PALB2: variants seen among roughly 807,000 people sequenced by gnomAD.
PALB2 encodes partner and localizer of BRCA2.
Under a neutral mutation model 107.4 loss-of-function variants are expected in PALB2, and 82 were observed. That is an observed-to-expected ratio of 0.76 (90% CI 0.64 to 0.92). PALB2 has a LOEUF of 0.92. Among genes scored for constraint, PALB2 ranks in the 40% least tolerant of loss-of-function variants. The pLI is 0.00. For synonymous variants in PALB2, 489 were observed against 496.8 expected, an observed-to-expected ratio of 0.98 and a Z score of 0.21; for missense variants, 1,374 against 1,379.9, an observed-to-expected ratio of 1.00 and a Z score of 0.07.
At chr16:23,611,461 T>TTG (rs1966586331) in intron 11 of PALB2, among the ~76,000 whole-genome samples, 1 of 143,958 alleles carries the variant, frequency 6.9e-6, no homozygotes, top group South Asian at 2.2e-4. Context: ...ATTATTATTA[T>TTG]TATTATTTTT....
intron 10 of PALB2, among the ~76,000 whole-genome samples, chr16:23,620,407 A>T (rs1160940178): frequency 6.6e-6 from 1 of 152,120 alleles, no homozygotes; most frequent in Non-Finnish European, 1.5e-5. Flanking sequence ...AAGATCTTCT[A>T]TTAGGCTTCC....
rs2142327149 is a variant in PALB2 at position 23,621,418 on chromosome 16, G to A, written c.3057C>T (p.Val1019=). ...CAAGCAGAGCTTCTTGCATCCCTTG[G>A]ACCTCAGCAAAAGTTAGTATAGTCT... ...PEETILTFAE[V]QGMQEALLGT... is the part of the protein sequence containing the mutation. The change falls in exon 10 of 13, where the codon GTC becomes GTT. Residue 1019 remains valine (V), a synonymous_variant. Transcript: ENST00000261584. The A allele has an allele frequency of 6.2e-7, 1 of 1,614,110 alleles. No homozygotes were observed. Among genetic ancestry groups the A allele is most frequent in the Non-Finnish European group, 8.5e-7 (1 of 1,180,014 alleles).
rs2140961181 is a variant in PALB2 at position 23,641,230 on chromosome 16, C to G, written c.-73G>C. On this transcript the variant is annotated 5_prime_UTR_variant, in exon 1 of 13. Transcript: ENST00000261584. ...TGCCGACACCGGGACCCAGTTGGCC[C>G]TGGGCCGGGGAGGCGCCCCAGGAAG... The G allele has an allele frequency of 6.4e-7, 1 of 1,573,134 alleles. No individual in the cohort carries two copies. The highest frequency in any genetic ancestry group is 8.6e-7 in the Non-Finnish European group (1 of 1,156,804).
In PALB2 at chr16:23,629,801, G is replaced by GTT; in HGVS notation, c.2351_2352dup (p.Pro785AsnfsTer67). ...CCTGACACTTGCAGGGTGGTATGTG[G>GTT]TTTTGCTGGGCTGCCTGAACTGTCG... On this transcript the variant is annotated frameshift_variant, in exon 5 of 13. Transcript: ENST00000261584. LOFTEE classifies it high-confidence loss of function. 6.2e-7 allele frequency: 1 copy of GTT among 1,614,188 alleles called. No individual in the cohort carries two copies. The highest frequency in any genetic ancestry group is 8.5e-7 in the Non-Finnish European group (1 of 1,180,034).
In PALB2 at chr16:23,624,109, G is replaced by C. The variant is rs1567214528; in HGVS notation, c.2749-15C>G. 6.4e-7 allele frequency: 1 copy of C among 1,561,454 alleles called. No individual in the cohort carries two copies. The highest frequency in any genetic ancestry group is 8.8e-7 in the Non-Finnish European group (1 of 1,133,164). On this transcript the variant is annotated splice_polypyrimidine_tract_variant and intron_variant, in intron 7 of 12. Transcript: ENST00000261584. The stretch of plus-strand genomic sequence containing the variant: ...AATACTGGAACCTAAATAAAACAAA[G>C]CAGCCAAAAATTATGCTTGGTTGTT...
At chr16:23,621,544 C>T (rs917254429) in intron 9 of PALB2, 66 bp from the exon 10 acceptor site, 43 of 989,906 alleles carry the variant, frequency 4.3e-5, no homozygotes, top group African/African-American at 8.0e-5. Context: ...AGCCCTTCTC[C>T]GCATTGTTGA....
intron 7 of PALB2, among the ~76,000 whole-genome samples, chr16:23,625,328 C>G (rs1259310049): frequency 6.7e-6 from 1 of 150,246 alleles, no homozygotes; most frequent in South Asian, 2.1e-4. Context: ...GTATGACTCT[C>G]TCTCCAAAAA....
chr16:23,630,540 C>T, intron 4 of PALB2, 71 bp from the exon 5 acceptor site: 2 of 1,200,124 alleles, frequency 1.7e-6, no homozygotes, highest in East Asian at 2.5e-5. Context: ...TCACTGATGA[C>T]AAAGAGAATA....
Position 23,629,875 on chromosome 16 carries a change from A to C in PALB2, c.2279T>G (p.Leu760Arg). The change falls in exon 5 of 13, where the codon CTT becomes CGT. Residue 760 changes from leucine to arginine, a missense_variant. Physicochemically the swap from Leu to Arg is moderately radical, Grantham distance 102 (BLOSUM62 -2). Coordinates refer to ENST00000261584, the MANE Select transcript of PALB2 (RefSeq NM_024675.4). ...ACAGACTGAGTCTTTCAAATGAGCAAGTTGGGGTGTGCAGCAAGTTCGTCC... is the reference window on the plus strand; with the variant it reads ...ACAGACTGAGTCTTTCAAATGAGCACGTTGGGGTGTGCAGCAAGTTCGTCC... ...VAGRTCCTPQ[L>R]AHLKDSVCLA... 6.2e-7 allele frequency: 1 copy of C among 1,614,154 alleles called. No homozygotes were observed. Among genetic ancestry groups the C allele is most frequent in the Non-Finnish European group, 8.5e-7 (1 of 1,180,026 alleles).
chr16:23,638,314 C>T, intron 1 of PALB2, 185 bp from the exon 2 acceptor site: 1 of 644,518 alleles, frequency 1.6e-6, no homozygotes, highest in Admixed American at 2.5e-5. Flanking sequence ...TAACCTGTTC[C>T]TATCATCTGG....
At chr16:23,637,823 A>AGG in intron 3 of PALB2, 27 bp downstream of exon 3, 1 of 1,529,398 alleles carries the variant, frequency 6.5e-7, no homozygotes, top group Non-Finnish European at 9.1e-7. Context: ...ATAATAAAGC[A>AGG]GGCATAAGTG....
chr16:23,635,131 T>C lies in PALB2; in HGVS notation c.1415A>G (p.Gln472Arg), dbSNP rs867817029. The C allele has an allele frequency of 1.9e-6, 3 of 1,614,242 alleles. No individual in the cohort carries two copies. The highest frequency in any genetic ancestry group is 2.5e-6 in the Non-Finnish European group (3 of 1,180,040). The change falls in exon 4 of 13, where the codon CAA becomes CGA. Residue 472 changes from glutamine (Q) to arginine (R), a missense_variant. Coordinates refer to ENST00000261584, the MANE Select transcript of PALB2 (RefSeq NM_024675.4). Reference sequence around the variant, plus strand: ...TTTCTGAGAGGTTCTTGAACTTGGTTGTCCTGTGCATGTGCCAGACATCCT... The same window carrying C: ...TTTCTGAGAGGTTCTTGAACTTGGTCGTCCTGTGCATGTGCCAGACATCCT... ...EIRMSGTCTG[Q>R]PSSRTSQKLL...
chr16:23,639,494 G>A (rs1214669259), intron 1 of PALB2, among the ~76,000 whole-genome samples: 1 of 145,200 alleles, frequency 6.9e-6, no homozygotes, highest in Non-Finnish European at 1.5e-5. Flanking sequence ...CTCCAGCCTG[G>A]GCAACAGAGC....
intron 8 of PALB2, chr16:23,623,767 C>T (rs1215575326): frequency 2.1e-6 from 1 of 475,564 alleles, no homozygotes; most frequent in Non-Finnish European, 3.8e-6. Context: ...GATCCACCTT[C>T]CTTGGCCTCC....
At chr16:23,628,728 C>T (rs192827037) in intron 6 of PALB2, among the ~76,000 whole-genome samples, 1 of 152,262 alleles carries the variant, frequency 6.6e-6, no homozygotes, top group East Asian at 1.9e-4. Flanking sequence ...GTCTGTCTCC[C>T]AGTTCAAGTA....
rs1555458817 is a variant in PALB2, at chr16:23,614,045, AATC to A, written c.3157_3159del (p.Asp1053del). 6.2e-7 allele frequency: 1 copy of A among 1,613,814 alleles called. No individual in the cohort carries two copies. The highest frequency in any genetic ancestry group is 8.5e-7 in the Non-Finnish European group (1 of 1,179,754). ...TTGTGACAGACTGAAGCTTGGTAAG[AATC>A]ATCAATGTGCATCTTTTTCAGGAGT... On this transcript the variant is annotated inframe_deletion, in exon 11 of 13. Coordinates refer to ENST00000261584, the MANE Select transcript of PALB2 (RefSeq NM_024675.4).
rs542031217 is a variant in PALB2, at chr16:23,608,888, T to C, written c.3202-876A>G. On this transcript the variant is annotated intron_variant, in intron 11 of 12. Transcript: ENST00000261584. Reference sequence around the variant, plus strand: ...CGTTGCCCAGGCTGGAGTGCAATGGTGCGATCTCAGCTCACTGCAACCTCC... The same window carrying C: ...CGTTGCCCAGGCTGGAGTGCAATGGCGCGATCTCAGCTCACTGCAACCTCC... Among the ~76,000 whole-genome samples the C allele has an allele frequency of 2.8e-4, 42 of 151,280 alleles. No homozygotes were observed. In the South Asian group the frequency reaches 8.8e-3, roughly 32 times the overall value.
rs2142436513 is a variant in PALB2, at chr16:23,635,830, C to A, written c.716G>T (p.Arg239Ile). The change falls in exon 4 of 13, where the codon AGA becomes ATA. Residue 239 changes from arginine to isoleucine, a missense_variant. By Grantham distance (97) the Arg-to-Ile change is moderately conservative. Transcript: ENST00000261584. ...PEKGVDTFLR[R>I]PNFTRATTVP... ...TGTAGTCGCCCTGGTGAAATTAGGT[C>A]TTCTTAGGAATGTATCAACACCTTT... 6.2e-7 allele frequency: 1 copy of A among 1,614,106 alleles called. No homozygotes were observed. The highest frequency in any genetic ancestry group is 8.5e-7 in the Non-Finnish European group (1 of 1,180,022).
chr16:23,635,649 A>G lies in PALB2; in HGVS notation c.897T>C (p.Ser299=), dbSNP rs180177095. The G allele has an allele frequency of 9.3e-6, 15 of 1,613,966 alleles. No individual in the cohort carries two copies. The highest frequency in any genetic ancestry group is 1.7e-5 in the Admixed American group (1 of 59,994). Residue 299 remains serine (S), a synonymous_variant, in exon 4 of 13, where the codon TCT becomes TCC. Coordinates refer to ENST00000261584, the MANE Select transcript of PALB2 (RefSeq NM_024675.4). ...LEAQGKKMTV[S]TDNLLVNKAI... The stretch of plus-strand genomic sequence containing the variant: ...CTTTATTTACAAGGAGGTTATCTGT[A>G]GAGACAGTCATTTTTTTGCCTTGTG...
Sources: gnomAD v4.1 joint callset for allele counts (sites outside exome capture counted in the v4.1 genomes callset) on GRCh38, gnomAD v4.1.1 for gene constraint, MANE v1.5 for transcripts, NCBI Gene and HGNC (gene_info 2026-07-23, HGNC 2026-07-21) for gene names.